CCNY: variants seen among roughly 807,000 people sequenced by gnomAD.
The protein encoded by CCNY is cyclin Y.
In CCNY, 19 loss-of-function variants were observed where a neutral mutation model predicts 42.8. The observed-to-expected ratio is 0.44, with a 90% confidence interval of 0.31 to 0.65. CCNY has a LOEUF of 0.65. CCNY is among the 30% of genes least tolerant of loss of function. The pLI is 0.07. For missense variants in CCNY, 370 were observed against 437.3 expected (o/e 0.85, Z 1.37); for synonymous variants, 165 against 162.7 (o/e 1.01, Z -0.11).
chr10:35,385,049 C>T (rs1210230599), intron 1 of CCNY, among the ~76,000 whole-genome samples: 1 of 152,126 alleles, frequency 6.6e-6, no homozygotes, highest in East Asian at 1.9e-4. Context: ...TCGTTCCTAC[C>T]ATATGGATTG....
Position 35,501,495 on chromosome 10 carries a change from T to C in CCNY, c.230-6T>C. ...AACATTTCTGTTGCATCTTTTGTTT[T>C]CACAGTGAGAGAAAAACGCAAGAGT... On this transcript the variant is annotated splice_region_variant and splice_polypyrimidine_tract_variant and intron_variant, in intron 2 of 9. Transcript: ENST00000374704. The C allele has an allele frequency of 6.2e-7, 1 of 1,613,688 alleles. No individual in the cohort carries two copies. The highest frequency in any genetic ancestry group is 1.3e-5 in the African/African-American group (1 of 75,056).
chr10:35,341,239 A>G (rs911474606), intron 1 of CCNY, among the ~76,000 whole-genome samples: 1 of 151,880 alleles, frequency 6.6e-6, no homozygotes, highest in Admixed American at 6.6e-5. Context: ...ACCAGACACA[A>G]ACTTCCACCC....
chr10:35,283,103 C>T (rs960333386), intron 3 of CCNY, among the ~76,000 whole-genome samples: 5 of 152,026 alleles, frequency 3.3e-5, no homozygotes, highest in African/African-American at 9.7e-5. Context: ...TCCTTGAGGC[C>T]CAAACTAGCT....
intron 1 of CCNY, among the ~76,000 whole-genome samples, chr10:35,434,439 C>T (rs1215857898): frequency 6.6e-6 from 1 of 152,158 alleles, no homozygotes; most frequent in East Asian, 1.9e-4. Context: ...AGAGTTTTGT[C>T]CTGCTCTTAC....
chr10:35,478,705 A>G (rs994963247), intron 1 of CCNY, among the ~76,000 whole-genome samples: 6 of 152,290 alleles, frequency 3.9e-5, no homozygotes, highest in South Asian at 2.1e-4. Context: ...AACCTAGGCA[A>G]TACCATTCAG....
chr10:35,553,508 T>A (rs1429701237), intron 8 of CCNY, among the ~76,000 whole-genome samples: 1 of 152,202 alleles, frequency 6.6e-6, no homozygotes, highest in East Asian at 1.9e-4. Flanking sequence ...TGGTTTATAT[T>A]TGGGCTTTGT....
intron 7 of CCNY, among the ~76,000 whole-genome samples, chr10:35,534,850 T>G (rs1044764226): frequency 6.6e-6 from 1 of 152,006 alleles, no homozygotes; most frequent in Non-Finnish European, 1.5e-5. Context: ...TAGTTCATGA[T>G]TGGCTTCTTT....
intron 1 of CCNY, among the ~76,000 whole-genome samples, chr10:35,397,640 T>C (rs906445520): frequency 3.3e-5 from 5 of 152,208 alleles, no homozygotes; most frequent in African/African-American, 1.2e-4. Context: ...AAATGAACCC[T>C]GTCCCTGGGA....
chr10:35,545,636 G>A (rs534850866), intron 7 of CCNY, among the ~76,000 whole-genome samples: 6 of 152,242 alleles, frequency 3.9e-5, no homozygotes, highest in Admixed American at 6.5e-5. Context: ...GGCACTTGGG[G>A]TTAGGACTTC....
chr10:35,482,987 C>T (rs1839707519), intron 1 of CCNY, among the ~76,000 whole-genome samples: 1 of 152,054 alleles, frequency 6.6e-6, no homozygotes, highest in East Asian at 1.9e-4. Context: ...GCTGATTCGC[C>T]CTAACGAGTT....
At chr10:35,422,474 CGTG>C (rs1421366495) in intron 1 of CCNY, among the ~76,000 whole-genome samples, 1 of 152,116 alleles carries the variant, frequency 6.6e-6, no homozygotes, top group African/African-American at 2.4e-5. Context: ...TGAGCTGACT[CGTG>C]GGCATTTGAG....
chr10:35,268,010 C>T (rs969758399), intron 3 of CCNY, among the ~76,000 whole-genome samples: 8 of 152,022 alleles, frequency 5.3e-5, no homozygotes, highest in African/African-American at 9.7e-5. Flanking sequence ...CTGCAGCCTG[C>T]GCCTCCCAGG....
intron 1 of CCNY, among the ~76,000 whole-genome samples, chr10:35,428,823 A>C (rs1252394511): frequency 6.6e-6 from 1 of 152,166 alleles, no homozygotes; most frequent in Non-Finnish European, 1.5e-5. Context: ...TGGTTTGTGC[A>C]ATGGGATGAT....
chr10:35,450,564 GGTT>G (rs1838894178), intron 1 of CCNY, among the ~76,000 whole-genome samples: 1 of 152,134 alleles, frequency 6.6e-6, no homozygotes, highest in African/African-American at 2.4e-5. Flanking sequence ...CTGATGGAAA[GGTT>G]GTGGTTCTGA....
intron 3 of CCNY, among the ~76,000 whole-genome samples, chr10:35,267,083 CAAA>C (rs34140857): frequency 2.8e-5 from 3 of 106,634 alleles, no homozygotes; most frequent in Admixed American, 1.0e-4. Flanking sequence ...ACTTCTGTCT[CAAA>C]AAAAAAAAAA....
At chr10:35,407,748 G>A (rs202032796) in intron 1 of CCNY, among the ~76,000 whole-genome samples, 1 of 151,990 alleles carries the variant, frequency 6.6e-6, no homozygotes, top group African/African-American at 2.4e-5. Context: ...TGCCCATAGT[G>A]AAGGAGGCAA....
chr10:35,533,615 G>GT (rs1461252805), intron 7 of CCNY, among the ~76,000 whole-genome samples: 1 of 152,158 alleles, frequency 6.6e-6, no homozygotes, highest in African/African-American at 2.4e-5. Context: ...GGGCACATCA[G>GT]GGGGCTGTTG....
In CCNY at chr10:35,303,249, C is replaced by T. The variant is rs183383211; in HGVS notation, c.-9+52623C>T. ...AGGCTGGAGTGCAATGGCATGACCTCGGCTCACCGCAACCTCCACCTCCTG... is the reference window on the plus strand; with the variant it reads ...AGGCTGGAGTGCAATGGCATGACCTTGGCTCACCGCAACCTCCACCTCCTG... On this transcript the variant is annotated intron_variant, in intron 3 of 11. Transcript: ENST00000374706. Among the ~76,000 whole-genome samples, 1,024 of 151,896 alleles carry T rather than the reference C, an allele frequency of 6.7e-3. 14 individuals carry two copies. The highest frequency in any genetic ancestry group is 0.023 in the African/African-American group (942 of 41,482).
In CCNY at chr10:35,483,765, T is replaced by G. The variant is rs111818427; in HGVS notation, c.229+287T>G. On this transcript the variant is annotated intron_variant, in intron 2 of 9. Coordinates refer to ENST00000374704, the MANE Select transcript of CCNY (RefSeq NM_145012.6). ...CCCTAAGAGTCAGAAATTTTCCTTT[T>G]AGAATTGATATTTGCATAATTTCTC... is the stretch of plus-strand genomic sequence containing the variant. Among the ~76,000 whole-genome samples, 511 of 152,362 alleles carry G rather than the reference T, an allele frequency of 3.4e-3. 4 individuals carry two copies. The highest frequency in any genetic ancestry group is 0.012 in the African/African-American group (481 of 41,582).
Sources: allele counts gnomAD v4.1 joint callset (sites outside exome capture counted in the v4.1 genomes callset), GRCh38; gene constraint gnomAD v4.1.1; transcripts MANE v1.5; gene names NCBI Gene and HGNC (gene_info 2026-07-23, HGNC 2026-07-21).